PCDH19: variants seen among roughly 807,000 people sequenced by gnomAD.
PCDH19 encodes protocadherin 19, also known as protocadherin-19.
Under a neutral mutation model 46.2 loss-of-function variants are expected in PCDH19, and 6 were observed. The ratio of observed to expected loss-of-function variants is 0.13; its 90% CI spans 0.07 to 0.26. PCDH19 has a LOEUF of 0.26. PCDH19 is among the 10% of genes least tolerant of loss of function. PCDH19 has a pLI of 1.00. For missense variants in PCDH19, 740 were observed against 972.3 expected (o/e 0.76, Z 3.18); for synonymous variants, 481 against 415.7 (o/e 1.16, Z -1.91).
chrX:100,356,758 T>TTCTTTC (rs1555979380), intron 3 of PCDH19, among the ~76,000 whole-genome samples: 1 of 102,981 alleles, frequency 9.7e-6, no homozygotes, highest in Non-Finnish European at 2.0e-5. Flanking sequence ...CCCTAATTCA[T>TTCTTTC]TCTCTCTCTC....
chrX:100,345,338 A>ATG (rs370680624), intron 4 of PCDH19, among the ~76,000 whole-genome samples: 8 of 111,612 alleles, frequency 7.2e-5, no homozygotes, highest in African/African-American at 2.0e-4. Context: ...ACACACTATT[A>ATG]TGTGTGTGTG....
chrX:100,373,503 T>A (rs749309310), intron 3 of PCDH19, among the ~76,000 whole-genome samples: 1 of 112,920 alleles, frequency 8.9e-6, no homozygotes, highest in African/African-American at 3.2e-5. Context: ...CTTAATATGC[T>A]GTGATGCAGA....
chrX:100,333,352 T>C (rs1925980113), intron 5 of PCDH19, among the ~76,000 whole-genome samples: 1 of 111,838 alleles, frequency 8.9e-6, no homozygotes, highest in Non-Finnish European at 1.9e-5. Context: ...ATGAAGCTAC[T>C]GGAAAACATT....
chrX:100,406,869 T>C lies in PCDH19; in HGVS notation c.1729A>G (p.Ile577Val), dbSNP rs1345855480. 8.3e-7 allele frequency: 1 copy of C among 1,211,911 alleles called. No individual in the cohort carries two copies. Among genetic ancestry groups the C allele is most frequent in the Non-Finnish European group, 1.1e-6 (1 of 895,557 alleles). Residue 577 changes from isoleucine to valine, a missense_variant, in exon 1 of 6, where the codon ATA becomes GTA. Ile to Val is a conservative substitution (Grantham distance 29, BLOSUM62 3). Around this residue, in one of 5 missense-constraint regions of PCDH19, gnomAD observed 416 missense variants for 476.8 expected, o/e 0.87. Coordinates refer to ENST00000373034, the MANE Select transcript of PCDH19 (RefSeq NM_001184880.2). ...PLINGTAEVYIPRNSGIGYLV... is the reference protein window; with the variant it reads ...PLINGTAEVYVPRNSGIGYLV... ...TAGCCTATGCCAGAGTTGCGGGGTA[T>C]GTAGACCTCGGCAGTGCCGTTAATC...
chrX:100,388,355 A>C (rs1307523345), intron 3 of PCDH19, among the ~76,000 whole-genome samples: 1 of 110,166 alleles, frequency 9.1e-6, no homozygotes, highest in Non-Finnish European at 1.9e-5. Flanking sequence ...TATGTGTGTT[A>C]TTTTCTGATT....
intron 5 of PCDH19, among the ~76,000 whole-genome samples, chrX:100,333,226 AAAGAAAGAAAGAAAGAAAG>A (rs1405433159): frequency 1.9e-5 from 2 of 106,856 alleles, no homozygotes; most frequent in Admixed American, 1.0e-4. Context: ...AGAAAGAAAG[AAAGAAAGAAAGAAAGAAAG>A]AAAGGGAAAG....
chrX:100,368,872 A>G lies in PCDH19; in HGVS notation c.2617-18168T>C, dbSNP rs745810462. Among the ~76,000 whole-genome samples the G allele has an allele frequency of 2.7e-5, 3 of 111,702 alleles. No homozygotes were observed. The South Asian group carries it at 1.1e-3, about 42-fold the overall frequency. On this transcript the variant is annotated intron_variant, in intron 3 of 5. Transcript: ENST00000373034. Reference sequence around the variant, plus strand: ...TTGTGTTGCTGTGCAAACAGGGATTACTTTTATCTCTTCCCCCCAAAGTTT... The same window carrying G: ...TTGTGTTGCTGTGCAAACAGGGATTGCTTTTATCTCTTCCCCCCAAAGTTT...
chrX:100,355,395 C>A (rs999578337), intron 3 of PCDH19, among the ~76,000 whole-genome samples: 1 of 111,384 alleles, frequency 9.0e-6, no homozygotes, highest in African/African-American at 3.3e-5. Context: ...TGGTTTTTTT[C>A]TTGTCTTTAA....
intron 1 of PCDH19, among the ~76,000 whole-genome samples, chrX:100,406,134 CCT>C (rs748311027): frequency 1.8e-5 from 2 of 109,694 alleles, no homozygotes; most frequent in Non-Finnish European, 3.8e-5. Flanking sequence ...TCTCCCCCTC[CCT>C]CTCTCTCTCT....
chrX:100,382,876 G>C (rs1375764759), intron 3 of PCDH19, among the ~76,000 whole-genome samples: 1 of 112,021 alleles, frequency 8.9e-6, no homozygotes, highest in African/African-American at 3.2e-5. Context: ...TCACAGTAAG[G>C]AACAATGAGA....
At chrX:100,373,582 C>T (rs1210831219) in intron 3 of PCDH19, among the ~76,000 whole-genome samples, 1 of 112,135 alleles carries the variant, frequency 8.9e-6, no homozygotes, top group African/African-American at 3.2e-5. Context: ...TCAGAGCTAG[C>T]CTATTTTCCT....
Position 100,408,793 on chromosome X carries a change from G to A in PCDH19, c.-196C>T, listed in dbSNP as rs1414062185. 6.3e-6 allele frequency: 1 copy of A among 158,002 alleles called. No individual in the cohort carries two copies. 13.0% of individuals were successfully genotyped at this position (158,002 alleles called of 1,213,427 possible). On this transcript the variant is annotated 5_prime_UTR_variant, in exon 1 of 6. Transcript: ENST00000373034. ...GCGGCGGCTCCAATGCTGAGGTTGC[G>A]GCGGACGCGGCGGGGGCTCGCGGGG...
At chrX:100,325,114 A>C (rs1331068390) in intron 5 of PCDH19, among the ~76,000 whole-genome samples, 1 of 99,461 alleles carries the variant, frequency 1.0e-5, no homozygotes. Context: ...ATATTGTACT[A>C]AGAAAAAATA....
At chrX:100,360,854 C>G (rs764634836) in intron 3 of PCDH19, among the ~76,000 whole-genome samples, 7 of 111,910 alleles carry the variant, frequency 6.3e-5, no homozygotes, top group Non-Finnish European at 9.4e-5. Context: ...CCATAACTGA[C>G]AAGCAATAAG....
rs2147537729 is a variant in PCDH19 at position 100,406,763 on chromosome X, C to T, written c.1835G>A (p.Arg612His). 8.3e-7 allele frequency: 1 copy of T among 1,211,473 alleles called. No individual in the cohort carries two copies. The highest frequency in any genetic ancestry group is 1.1e-6 in the Non-Finnish European group (1 of 895,475). Residue 612 changes from arginine to histidine, a missense_variant, in exon 1 of 6, where the codon CGC (arginine) becomes CAC (histidine). Arg to His is a conservative substitution (Grantham distance 29, BLOSUM62 0). This residue lies in a region of PCDH19 where 416 missense variants were observed against 476.8 expected (regional missense o/e 0.87). Transcript: ENST00000373034. ...GACCTGGTCTATTTCAAAGAAGCCG[C>T]GGTCGCCCTCGGTCATGTCGTAGGT... is the stretch of plus-strand genomic sequence containing the variant. ...RVTYDMTEGD[R>H]GFFEIDQVNG...
chrX:100,302,533 A>G (rs1046618276), intron 5 of PCDH19, among the ~76,000 whole-genome samples: 5 of 112,202 alleles, frequency 4.5e-5, no homozygotes, highest in Non-Finnish European at 7.5e-5. Context: ...AGCCCTCTGT[A>G]TCTGCAGGTT....
At position 100,292,758 on chromosome X, in the gene PCDH19, G is replaced by A. The variant is rs1924464952; in HGVS notation, c.*3519C>T. The A allele has an allele frequency of 1.8e-5, 2 of 111,724 alleles. No homozygotes were observed. The highest frequency in any genetic ancestry group is 7.6e-4 in the South Asian group (2 of 2,647). 9.2% of individuals were successfully genotyped at this position (111,724 alleles called of 1,213,427 possible). ...AATTTTACCAAGAAGGCAAACACTAGGACTGTATACAATGGATTTCTTAAG... is the reference window on the plus strand; with the variant it reads ...AATTTTACCAAGAAGGCAAACACTAAGACTGTATACAATGGATTTCTTAAG... On this transcript the variant is annotated 3_prime_UTR_variant, in exon 6 of 6. Coordinates refer to ENST00000373034, the MANE Select transcript of PCDH19 (RefSeq NM_001184880.2).
At chrX:100,348,718 G>A (rs1334037445) in intron 4 of PCDH19, among the ~76,000 whole-genome samples, 2 of 111,248 alleles carry the variant, frequency 1.8e-5, no homozygotes, top group African/African-American at 6.6e-5. Context: ...ACCAAAATCA[G>A]AGGTTCCCAG....
chrX:100,393,140 T>C (rs1299096052), intron 3 of PCDH19, among the ~76,000 whole-genome samples: 1 of 111,381 alleles, frequency 9.0e-6, no homozygotes, highest in Non-Finnish European at 1.9e-5. Flanking sequence ...AATGATTATT[T>C]GGCTGCTTCC....
Sources: allele counts gnomAD v4.1 joint callset (sites outside exome capture counted in the v4.1 genomes callset), GRCh38; gene constraint gnomAD v4.1.1; regional missense constraint gnomAD v4.1.1; transcripts MANE v1.5; gene names NCBI Gene and HGNC (gene_info 2026-07-23, HGNC 2026-07-21).